SLC24A2: variants seen among roughly 807,000 people sequenced by gnomAD.
SLC24A2 encodes sodium/potassium/calcium exchanger 2.
Under a neutral mutation model 62.0 loss-of-function variants are expected in SLC24A2, and 36 were observed. The ratio of observed to expected loss-of-function variants is 0.58; its 90% CI spans 0.44 to 0.77. The LOEUF (loss-of-function observed/expected upper bound fraction) is 0.77. SLC24A2 is among the 30% of genes least tolerant of loss of function. The probability of loss-of-function intolerance (pLI) is 0.00; values close to 1 mark genes in which losing one functional copy is unlikely to be tolerated. For synonymous variants in SLC24A2, 358 were observed against 294.0 expected (o/e 1.22, Z -2.23); for missense variants, 846 against 817.9 (o/e 1.03, Z -0.42).
the SLC24A2 span, among the ~76,000 whole-genome samples, chr9:20,106,788 C>G: frequency 6.6e-6 from 1 of 152,074 alleles, no homozygotes; most frequent in South Asian, 2.1e-4. Context: ...AAAACTGGCA[C>G]AAGACAGGGA....
chr9:19,718,659 G>A (rs1255440973), intron 2 of SLC24A2, among the ~76,000 whole-genome samples: 1 of 151,982 alleles, frequency 6.6e-6, no homozygotes, highest in Non-Finnish European at 1.5e-5. Flanking sequence ...GACACCTGTG[G>A]TTCTTACTGG....
chr9:19,565,492 C>T (rs919466852), intron 7 of SLC24A2, among the ~76,000 whole-genome samples: 1 of 150,906 alleles, frequency 6.6e-6, no homozygotes, highest in African/African-American at 2.4e-5. Context: ...AAGAACATTC[C>T]ATGCTCATGG....
At chr9:20,234,236 T>C in the SLC24A2 span, among the ~76,000 whole-genome samples, 1 of 152,174 alleles carries the variant, frequency 6.6e-6, no homozygotes, top group Non-Finnish European at 1.5e-5. Context: ...AGTATCTTTG[T>C]GGCGTTCTCT....
the SLC24A2 span, among the ~76,000 whole-genome samples, chr9:20,046,752 T>G: frequency 6.6e-6 from 1 of 152,322 alleles, no homozygotes; most frequent in Admixed American, 6.5e-5. Context: ...ACAGTGGCCC[T>G]TACTCATCTT....
chr9:19,647,865 G>T (rs1818688798), intron 2 of SLC24A2, among the ~76,000 whole-genome samples: 1 of 152,106 alleles, frequency 6.6e-6, no homozygotes, highest in South Asian at 2.1e-4. Flanking sequence ...AAGGTTATAG[G>T]GTATCTCACT....
chr9:20,175,229 CA>C, the SLC24A2 span, among the ~76,000 whole-genome samples: 1 of 151,636 alleles, frequency 6.6e-6, no homozygotes, highest in South Asian at 2.1e-4. Flanking sequence ...TTTGGGGACT[CA>C]GGGGGAAAGG....
At chr9:19,892,875 T>C in the SLC24A2 span, among the ~76,000 whole-genome samples, 1 of 152,272 alleles carries the variant, frequency 6.6e-6, no homozygotes, top group South Asian at 2.1e-4. Flanking sequence ...ACCCAGGTGC[T>C]TCTCCAAGGG....
intron 8 of SLC24A2, among the ~76,000 whole-genome samples, chr9:19,531,872 GA>G (rs1287385379): frequency 6.6e-6 from 1 of 152,056 alleles, no homozygotes; most frequent in Non-Finnish European, 1.5e-5. Flanking sequence ...TAGTTGTTTT[GA>G]GGACTTCATG....
At chr9:20,026,414 C>G in the SLC24A2 span, among the ~76,000 whole-genome samples, 1 of 152,164 alleles carries the variant, frequency 6.6e-6, no homozygotes, top group Admixed American at 6.5e-5. Flanking sequence ...TAAATTGGAG[C>G]TATTATTAGC....
At chr9:19,535,007 C>G (rs1307030898) in intron 8 of SLC24A2, among the ~76,000 whole-genome samples, 1 of 152,202 alleles carries the variant, frequency 6.6e-6, no homozygotes, top group Non-Finnish European at 1.5e-5. Context: ...TCACCACATC[C>G]TCTCCAGCAC....
the SLC24A2 span, among the ~76,000 whole-genome samples, chr9:19,985,151 T>C: frequency 3.3e-5 from 5 of 152,098 alleles, no homozygotes; most frequent in African/African-American, 9.7e-5. Context: ...GAAGTGAAAA[T>C]ATATGCTCAC....
the SLC24A2 span, among the ~76,000 whole-genome samples, chr9:20,226,046 G>A: frequency 6.6e-6 from 1 of 152,136 alleles, no homozygotes; most frequent in Non-Finnish European, 1.5e-5. Context: ...TGTGGAGATG[G>A]TTGCTCCTTT....
the SLC24A2 span, among the ~76,000 whole-genome samples, chr9:19,986,950 TAAG>T: frequency 6.6e-6 from 1 of 151,974 alleles, no homozygotes; most frequent in Non-Finnish European, 1.5e-5. Context: ...TCAACTCAGT[TAAG>T]AAATAAAAAG....
chr9:20,113,507 A>T, the SLC24A2 span, among the ~76,000 whole-genome samples: 3 of 152,216 alleles, frequency 2.0e-5, no homozygotes, highest in Non-Finnish European at 4.4e-5. Context: ...ATATCTTGAC[A>T]TGCTGAAACT....
At chr9:19,520,762 T>G in intron 10 of SLC24A2, 132 bp downstream of exon 10, 1 of 825,746 alleles carries the variant, frequency 1.2e-6, no homozygotes, top group Admixed American at 1.9e-5. Flanking sequence ...GCAATGGTAT[T>G]CTCAATCTTT....
At position 19,643,838 on chromosome 9, in the gene SLC24A2, G is replaced by GTACC. The variant is rs766880185; in HGVS notation, c.931-21543_931-21540dup. On this transcript the variant is annotated intron_variant, in intron 2 of 10. Coordinates refer to ENST00000341998, the MANE Select transcript of SLC24A2 (RefSeq NM_020344.4). ...ACATGTGTGACACTTGTGCATCGAT[G>GTACC]TACCCATCATGTGATGTGTTTAATC... Among the ~76,000 whole-genome samples the GTACC allele has an allele frequency of 2.0e-5, 3 of 152,278 alleles. No homozygotes were observed. The South Asian group carries it at 6.2e-4, about 32-fold the overall frequency.
At chr9:19,684,254 G>C (rs1475979525) in intron 2 of SLC24A2, among the ~76,000 whole-genome samples, 1 of 152,080 alleles carries the variant, frequency 6.6e-6, no homozygotes, top group African/African-American at 2.4e-5. Context: ...TGTTCTAAAA[G>C]AGGCAAGAAT....
At chr9:19,763,465 G>C (rs896280935) in intron 2 of SLC24A2, among the ~76,000 whole-genome samples, 6 of 152,180 alleles carry the variant, frequency 3.9e-5, no homozygotes, top group African/African-American at 1.4e-4. Flanking sequence ...GTCATAAATA[G>C]CTCTTATTAT....
chr9:20,053,168 C>G, the SLC24A2 span, among the ~76,000 whole-genome samples: 1 of 152,094 alleles, frequency 6.6e-6, no homozygotes, highest in African/African-American at 2.4e-5. Context: ...CTTCACTTTC[C>G]TCTGCTTGCT....
Sources: gnomAD v4.1 joint callset for allele counts (sites outside exome capture counted in the v4.1 genomes callset) on GRCh38, gnomAD v4.1.1 for gene constraint, MANE v1.5 for transcripts, NCBI Gene and HGNC (gene_info 2026-07-23, HGNC 2026-07-21) for gene names.